The following AP3S2 variants were observed in gnomAD, a reference collection of about 807,000 sequenced individuals.
AP3S2 encodes AP-3 complex subunit sigma-2.
In AP3S2, 22 loss-of-function variants were observed where a neutral mutation model predicts 23.4. The observed-to-expected ratio is 0.94, with a 90% CI of 0.67 to 1.34. The LOEUF (loss-of-function observed/expected upper bound fraction) is 1.34. Among genes scored for constraint, AP3S2 ranks in the 40% most tolerant of loss-of-function variants. The probability of loss-of-function intolerance (pLI) is 0.00; values close to 1 mark genes in which losing one functional copy is unlikely to be tolerated. For synonymous variants in AP3S2, 86 were observed against 87.1 expected, an observed-to-expected ratio of 0.99 and a Z score of 0.07; for missense variants, 241 against 236.9, an observed-to-expected ratio of 1.02 and a Z score of -0.11.
rs539503624 is a variant in AP3S2 at position 89,875,608 on chromosome 15, T to C, written c.274-4062A>G. On this transcript the variant is annotated intron_variant, in intron 3 of 5. Coordinates refer to ENST00000336418, the MANE Select transcript of AP3S2 (RefSeq NM_005829.5). The stretch of plus-strand genomic sequence containing the variant: ...CTAAGAAATACACTTCTGAGGAGCA[T>C]AATGACAAAGAACATTATTCTGATA... 7.2e-4 allele frequency among the ~76,000 whole-genome samples: 109 copies of C among 152,278 alleles called. 3 individuals carry two copies. The South Asian group carries it at 0.022, about 31-fold the overall frequency.
intron 5 of AP3S2, among the ~76,000 whole-genome samples, chr15:89,836,221 G>A (rs184361851): frequency 7.4e-4 from 112 of 152,308 alleles, no homozygotes; most frequent in African/African-American, 2.5e-3. Flanking sequence ...CTCAGAGGCG[G>A]AGTGTGGCCT....
intron 3 of AP3S2, among the ~76,000 whole-genome samples, chr15:89,874,029 T>A (rs986156270): frequency 2.1e-4 from 32 of 151,668 alleles, no homozygotes; most frequent in Admixed American, 3.9e-4. Flanking sequence ...TACAGGTATG[T>A]GCCACCATGC....
chr15:89,858,515 GAGAGAGAGAGAAAGAAAGAAAGAAAGAA>G (rs1415531829), intron 4 of AP3S2, among the ~76,000 whole-genome samples: 1 of 46,206 alleles, frequency 2.2e-5, no homozygotes, highest in South Asian at 5.9e-4. Context: ...GAGAGAGAGA[GAGAGAGAGAGAAAGAAAGAAAGAAAGAA>G]AGAAAGAAAG....
chr15:89,891,292 CAA>C (rs1896814177), intron 1 of AP3S2, among the ~76,000 whole-genome samples: 1 of 152,072 alleles, frequency 6.6e-6, no homozygotes, highest in Non-Finnish European at 1.5e-5. Context: ...TCCTATGATC[CAA>C]AGATACACGA....
intron 4 of AP3S2, among the ~76,000 whole-genome samples, chr15:89,859,435 C>T (rs1341217195): frequency 8.1e-6 from 1 of 123,534 alleles, no homozygotes; most frequent in East Asian, 2.7e-4. Flanking sequence ...GCTCTGTCGC[C>T]CAGGCTGGTG....
intron 3 of AP3S2, among the ~76,000 whole-genome samples, chr15:89,883,165 T>G (rs1896611739): frequency 6.6e-6 from 1 of 152,222 alleles, no homozygotes; most frequent in Admixed American, 6.5e-5. Flanking sequence ...ATTTTCTAGC[T>G]GTTTTCTCAG....
At chr15:89,853,994 A>C (rs1895733238) in intron 4 of AP3S2, among the ~76,000 whole-genome samples, 1 of 47,240 alleles carries the variant, frequency 2.1e-5, no homozygotes. Flanking sequence ...TCCGCCCGGC[A>C]GCCACCCCGT....
chr15:89,875,394 C>G (rs1269073851), intron 3 of AP3S2, among the ~76,000 whole-genome samples: 2 of 152,128 alleles, frequency 1.3e-5, no homozygotes, highest in Non-Finnish European at 2.9e-5. Context: ...GTTTTTCTTA[C>G]TCAAAATATT....
intron 3 of AP3S2, among the ~76,000 whole-genome samples, chr15:89,881,456 T>C (rs773684369): frequency 3.3e-5 from 5 of 152,212 alleles, no homozygotes; most frequent in Non-Finnish European, 7.3e-5. Context: ...CAAACCATTA[T>C]TTTATCTAAC....
intron 4 of AP3S2, among the ~76,000 whole-genome samples, chr15:89,843,595 A>G (rs764319580): frequency 2.0e-5 from 3 of 152,142 alleles, no homozygotes; most frequent in Admixed American, 6.5e-5. Flanking sequence ...AGATCGCACC[A>G]TTGTACTCCA....
At chr15:89,859,317 CTTCCTTCCTTT>C (rs979644728) in intron 4 of AP3S2, among the ~76,000 whole-genome samples, 40 of 133,746 alleles carry the variant, frequency 3.0e-4, no homozygotes, top group South Asian at 4.7e-4. Flanking sequence ...CCTTCCTTTC[CTTCCTTCCTTT>C]TTCCTTCCTT....
chr15:89,837,830 C>G (rs764267922), intron 4 of AP3S2, 108 bp from the exon 5 acceptor site: 11 of 1,312,500 alleles, frequency 8.4e-6, no homozygotes, highest in Non-Finnish European at 1.2e-5. Context: ...ATGACCTGTC[C>G]TGACTCACAA....
At chr15:89,893,016 G>C (rs1896854855) in intron 1 of AP3S2, 1 of 152,174 alleles carries the variant, frequency 6.6e-6, no homozygotes, top group Non-Finnish European at 1.5e-5. Context: ...ATGTAATCTA[G>C]CTTTAAAAAT....
chr15:89,841,826 A>G (rs1221739843), intron 4 of AP3S2, among the ~76,000 whole-genome samples: 1 of 152,226 alleles, frequency 6.6e-6, no homozygotes, highest in Non-Finnish European at 1.5e-5. Context: ...AAGTATACAA[A>G]AAATCTAAAC....
intron 3 of AP3S2, among the ~76,000 whole-genome samples, chr15:89,873,114 T>C (rs1430629744): frequency 2.0e-5 from 3 of 152,198 alleles, no homozygotes; most frequent in African/African-American, 7.2e-5. Flanking sequence ...AATGGGTCTA[T>C]TTCTCAATCA....
intron 4 of AP3S2, among the ~76,000 whole-genome samples, chr15:89,841,175 C>G (rs1302205889): frequency 2.0e-5 from 3 of 152,092 alleles, no homozygotes; most frequent in African/African-American, 7.2e-5. Context: ...GGCTGGTTAA[C>G]AGAAAAAGTC....
At chr15:89,875,674 C>T (rs756965082) in intron 3 of AP3S2, among the ~76,000 whole-genome samples, 9 of 152,156 alleles carry the variant, frequency 5.9e-5, no homozygotes, top group Admixed American at 3.3e-4. Context: ...ATGGGCTGGG[C>T]GCAGTGACTC....
chr15:89,859,382 C>T, intron 4 of AP3S2, among the ~76,000 whole-genome samples: 1 of 89,246 alleles, frequency 1.1e-5, no homozygotes, highest in Non-Finnish European at 2.1e-5. Flanking sequence ...TCCTTCCTTC[C>T]TTCCTTTTCT....
intron 3 of AP3S2, among the ~76,000 whole-genome samples, chr15:89,881,350 A>T (rs1896565759): frequency 6.6e-6 from 1 of 152,214 alleles, no homozygotes. Context: ...AAAATGGATT[A>T]TTTACACTTA....
Sources: allele counts gnomAD v4.1 joint callset (sites outside exome capture counted in the v4.1 genomes callset), GRCh38; gene constraint gnomAD v4.1.1; transcripts MANE v1.5; gene names NCBI Gene and HGNC (gene_info 2026-07-23, HGNC 2026-07-21).